The following CHN2 variants were observed in gnomAD, a reference collection of about 807,000 sequenced individuals.
CHN2 encodes beta-chimaerin.
In CHN2, 35 loss-of-function variants were observed where a neutral mutation model predicts 56.3. That is an observed-to-expected ratio of 0.62 (90% CI 0.47 to 0.82). CHN2 has a LOEUF of 0.82. Among genes scored for constraint, CHN2 ranks in the 40% least tolerant of loss-of-function variants. The pLI is 0.00. For synonymous variants in CHN2, 210 were observed against 212.8 expected (o/e 0.99, Z 0.12); for missense variants, 491 against 580.5 (o/e 0.85, Z 1.58).
At chr7:29,243,968 G>A (rs755174759) in intron 1 of CHN2, among the ~76,000 whole-genome samples, 3 of 152,168 alleles carry the variant, frequency 2.0e-5, no homozygotes, top group Non-Finnish European at 4.4e-5. Context: ...CCCTGTAACA[G>A]CACACTGGAT....
intron 3 of CHN2, 79 bp from the exon 4 acceptor site, chr7:29,393,600 T>C (rs1226767171): frequency 1.6e-6 from 1 of 642,750 alleles, no homozygotes; most frequent in African/African-American, 1.9e-5. Context: ...GGACCCTAGT[T>C]CTGTTTATTT....
At chr7:29,181,519 A>G (rs1299101252) in intron 2 of CHN2, 1 of 152,258 alleles carries the variant, frequency 6.6e-6, no homozygotes, top group African/African-American at 2.4e-5. Flanking sequence ...ATTTCAATCA[A>G]TGGAGGAATA....
chr7:29,159,761 T>A (rs1794926869), intron 2 of CHN2, among the ~76,000 whole-genome samples: 2 of 152,190 alleles, frequency 1.3e-5, no homozygotes, highest in South Asian at 4.1e-4. Flanking sequence ...TCAAAGCACC[T>A]ATCACCTGCT....
At chr7:29,302,919 C>G (rs1218973992) in intron 1 of CHN2, among the ~76,000 whole-genome samples, 3 of 152,182 alleles carry the variant, frequency 2.0e-5, no homozygotes, top group Non-Finnish European at 2.9e-5. Flanking sequence ...TAGCACAAGT[C>G]AGAATTTCAT....
At chr7:29,245,208 T>G (rs1283252741) in intron 1 of CHN2, among the ~76,000 whole-genome samples, 1 of 152,234 alleles carries the variant, frequency 6.6e-6, no homozygotes, top group African/African-American at 2.4e-5. Context: ...GACTGTGGAT[T>G]TTTCAAGCGG....
At chr7:29,239,293 A>G (rs1787462103) in intron 1 of CHN2, among the ~76,000 whole-genome samples, 2 of 152,304 alleles carry the variant, frequency 1.3e-5, no homozygotes, top group African/African-American at 4.8e-5. Flanking sequence ...GAATAATCTT[A>G]AAGTTGTTGA....
intron 6 of CHN2, among the ~76,000 whole-genome samples, chr7:29,458,587 G>A (rs1241194338): frequency 6.6e-6 from 1 of 152,166 alleles, no homozygotes; most frequent in African/African-American, 2.4e-5. Context: ...AACATTTGAA[G>A]ATGGAAAGTG....
chr7:29,327,720 G>A (rs1795919486), intron 1 of CHN2, among the ~76,000 whole-genome samples: 1 of 152,166 alleles, frequency 6.6e-6, no homozygotes, highest in Admixed American at 6.6e-5. Context: ...CTGGAGCCTA[G>A]AGCGCCGTAT....
intron 1 of CHN2, among the ~76,000 whole-genome samples, chr7:29,301,722 C>T (rs952224709): frequency 2.6e-5 from 4 of 152,122 alleles, no homozygotes; most frequent in Admixed American, 1.3e-4. Context: ...TAAAAAATTG[C>T]ACTAAAATGA....
chr7:29,446,275 T>A (rs142971332), intron 6 of CHN2, among the ~76,000 whole-genome samples: 1 of 152,220 alleles, frequency 6.6e-6, no homozygotes, highest in African/African-American at 2.4e-5. Context: ...CAGAAAACTA[T>A]TGAAATTTAA....
chr7:29,241,575 C>A (rs966516826), intron 1 of CHN2, among the ~76,000 whole-genome samples: 8 of 152,050 alleles, frequency 5.3e-5, no homozygotes, highest in South Asian at 2.1e-4. Context: ...CCAGGCAGAC[C>A]ATGGGGGGAA....
At chr7:29,288,564 C>T (rs1288249922) in intron 1 of CHN2, among the ~76,000 whole-genome samples, 1 of 152,244 alleles carries the variant, frequency 6.6e-6, no homozygotes, top group Middle Eastern at 3.4e-3. Context: ...ATGTGGTCTT[C>T]CTGAGTCCTC....
chr7:29,274,382 G>A (rs1396838915), intron 1 of CHN2, among the ~76,000 whole-genome samples: 1 of 152,234 alleles, frequency 6.6e-6, no homozygotes, highest in East Asian at 1.9e-4. Flanking sequence ...GTTGCTCCAA[G>A]GTCTCTCTGA....
At chr7:29,478,072 G>GATA (rs1786753169) in intron 6 of CHN2, among the ~76,000 whole-genome samples, 1 of 152,186 alleles carries the variant, frequency 6.6e-6, no homozygotes, top group South Asian at 2.1e-4. Context: ...GAAAAATGTG[G>GATA]ATAAAACACT....
chr7:29,198,914 GAAGTT>G (rs1036976579), intron 1 of CHN2, among the ~76,000 whole-genome samples: 50 of 152,204 alleles, frequency 3.3e-4, no homozygotes, highest in Non-Finnish European at 7.4e-5. Flanking sequence ...CTGGGGATAA[GAAGTT>G]AAGATTTGGA....
intron 1 of CHN2, among the ~76,000 whole-genome samples, chr7:29,323,794 A>G (rs1203220062): frequency 4.0e-5 from 6 of 151,554 alleles, no homozygotes; most frequent in Non-Finnish European, 7.4e-5. Flanking sequence ...TCAGGAGATC[A>G]AGACCATCCT....
At chr7:29,390,548 C>T (rs1242565579) in intron 3 of CHN2, among the ~76,000 whole-genome samples, 1 of 152,158 alleles carries the variant, frequency 6.6e-6, no homozygotes, top group East Asian at 1.9e-4. Context: ...ATTAAGTTGC[C>T]TGATTTTAAC....
upstream of CHN2, chr7:29,194,430 G>C (rs1783338261): frequency 6.5e-6 from 1 of 153,102 alleles, no homozygotes; most frequent in East Asian, 2.0e-4. Context: ...TTGTGTGTGC[G>C]CGAGCGGAGT....
rs1306159141 is a variant in CHN2, at chr7:29,446,538, A to C, written c.577-33741A>C. Among the ~76,000 whole-genome samples, 3 of 152,148 alleles carry C rather than the reference A, an allele frequency of 2.0e-5. No homozygotes were observed. The East Asian group carries it at 5.8e-4, about 29-fold the overall frequency. ...GACTGCCCTGAGAGAATGTCCAGGC[A>C]GATGCAGGGAGGGAGAACTCAGGCA... is the stretch of plus-strand genomic sequence containing the variant. On this transcript the variant is annotated intron_variant, in intron 6 of 12. Coordinates refer to ENST00000222792, the MANE Select transcript of CHN2 (RefSeq NM_004067.4).
Sources: gnomAD v4.1 joint callset for allele counts (sites outside exome capture counted in the v4.1 genomes callset) on GRCh38, gnomAD v4.1.1 for gene constraint, MANE v1.5 for transcripts, NCBI Gene and HGNC (gene_info 2026-07-23, HGNC 2026-07-21) for gene names.